The following KCNK10 variants were observed in gnomAD, a reference collection of about 807,000 sequenced individuals.
The protein encoded by KCNK10 is potassium channel subfamily K member 10.
KCNK10 carries 25 observed loss-of-function variants against 47.7 expected under a neutral mutation model. The ratio of observed to expected loss-of-function variants is 0.52; its 90% CI spans 0.38 to 0.73. The LOEUF is 0.73. Among genes scored for constraint, KCNK10 ranks in the 30% least tolerant of loss-of-function variants. The pLI, the probability that KCNK10 is intolerant of heterozygous loss-of-function variation, is 0.00. For missense variants in KCNK10, 563 were observed against 714.5 expected (o/e 0.79, Z 2.42); for synonymous variants, 303 against 285.6 (o/e 1.06, Z -0.61).
intron 1 of KCNK10, among the ~76,000 whole-genome samples, chr14:88,287,193 CT>C (rs1887780954): frequency 1.3e-5 from 2 of 152,216 alleles, no homozygotes; most frequent in African/African-American, 4.8e-5. Context: ...CTAGATGCTT[CT>C]CAAGCCTTAC....
chr14:88,247,333 T>C (rs1273449956), intron 2 of KCNK10, among the ~76,000 whole-genome samples: 2 of 151,952 alleles, frequency 1.3e-5, no homozygotes, highest in African/African-American at 4.8e-5. Flanking sequence ...CAGTCAAGCC[T>C]GGGCTGACCT....
At chr14:88,277,232 G>A (rs978348268) in intron 1 of KCNK10, among the ~76,000 whole-genome samples, 13 of 151,832 alleles carry the variant, frequency 8.6e-5, no homozygotes, top group South Asian at 6.2e-4. Flanking sequence ...AAAACATTTG[G>A]ATGGTTATTC....
At chr14:88,211,990 T>C (rs2139852236) in intron 4 of KCNK10, among the ~76,000 whole-genome samples, 1 of 151,842 alleles carries the variant, frequency 6.6e-6, no homozygotes, top group East Asian at 1.9e-4. Context: ...TCATGGAAAT[T>C]GATGCTAACT....
At chr14:88,323,279 C>A (rs1256571072), upstream of KCNK10, 11 of 985,644 alleles carry the variant, frequency 1.1e-5, no homozygotes, top group Non-Finnish European at 1.3e-5. Flanking sequence ...TGGGCGGGCA[C>A]GTCAGCCTCG....
At chr14:88,231,705 A>G (rs769663710) in intron 3 of KCNK10, among the ~76,000 whole-genome samples, 32 of 152,218 alleles carry the variant, frequency 2.1e-4, no homozygotes, top group Non-Finnish European at 4.4e-4. Context: ...ACTAGGGTGC[A>G]GTGCAGCCCT....
chr14:88,240,520 C>A (rs1251998699), intron 3 of KCNK10, among the ~76,000 whole-genome samples, 183 bp downstream of exon 3: 1 of 152,160 alleles, frequency 6.6e-6, no homozygotes, highest in Non-Finnish European at 1.5e-5. Flanking sequence ...AAAAGAGATA[C>A]TTCATTATGC....
intron 1 of KCNK10, among the ~76,000 whole-genome samples, chr14:88,266,890 C>A (rs72691967): frequency 0.035 from 5,277 of 152,310 alleles, 138 homozygotes; most frequent in Non-Finnish European, 0.054. Flanking sequence ...AAGCTTCTAG[C>A]ATCCCTGAGG....
intron 4 of KCNK10, among the ~76,000 whole-genome samples, chr14:88,217,751 T>C (rs1267448114): frequency 6.6e-6 from 1 of 151,544 alleles, no homozygotes; most frequent in African/African-American, 2.4e-5. Flanking sequence ...GAGACAGAGT[T>C]TCACTCTGTC....
rs372238388 is a variant in KCNK10, at chr14:88,205,632, C to A, written c.682-13222G>T. Among the ~76,000 whole-genome samples, 32 of 149,144 alleles carry A rather than the reference C, an allele frequency of 2.1e-4. 1 individual carries two copies. Among genetic ancestry groups the A allele is most frequent in the African/African-American group, 7.9e-4 (32 of 40,340 alleles). On this transcript the variant is annotated intron_variant, in intron 4 of 6. Coordinates refer to ENST00000319231, the MANE Select transcript of KCNK10 (RefSeq NM_138317.3). ...TGACCTCGGCTCACTGCAACCTCTG[C>A]CTCCCGGGTTCAAGTGATTCTCCTG... is the stretch of plus-strand genomic sequence containing the variant.
At chr14:88,229,579 T>C (rs1886098082) in intron 3 of KCNK10, among the ~76,000 whole-genome samples, 1 of 152,184 alleles carries the variant, frequency 6.6e-6, no homozygotes, top group Non-Finnish European at 1.5e-5. Context: ...GGTAAGAGCA[T>C]GAGTGATGCA....
rs780253057 is a variant in KCNK10 at position 88,263,273 on chromosome 14, C to T, written c.331G>A (p.Ala111Thr). Residue 111 changes from alanine to threonine, a missense_variant, in exon 2 of 7, where the codon GCC becomes ACC. Transcript: ENST00000319231. ...CGCAGGAATTCCGCCTTCTCCAAGGCGATGGTATTCTTCTGGCTGCTCTCA... is the reference window on the plus strand; with the variant it reads ...CGCAGGAATTCCGCCTTCTCCAAGGTGATGGTATTCTTCTGGCTGCTCTCA... ...PFESSQKNTIALEKAEFLRDH... is the reference protein window; with the variant it reads ...PFESSQKNTITLEKAEFLRDH... 22 of 1,614,050 alleles carry T rather than the reference C, an allele frequency of 1.4e-5. No individual in the cohort carries two copies. Among genetic ancestry groups the T allele is most frequent in the Admixed American group, 6.7e-5 (4 of 60,010 alleles).
chr14:88,183,634 TGGA>T lies in KCNK10; in HGVS notation c.*1898_*1900del, dbSNP rs1409174930. 1.3e-5 allele frequency: 2 copies of T among 152,338 alleles called. No homozygotes were observed. The highest frequency in any genetic ancestry group is 2.4e-5 in the African/African-American group (1 of 41,446). The allele number at this position is 152,338 out of a possible 1,614,324, so 9.4% of individuals were successfully genotyped here. Reference sequence around the variant, plus strand: ...CCAGTGAGCCTCATCTCCAGTCCAATGGAGGAGTTGACTTAGACCTTCCTTGGA... The same window carrying T: ...CCAGTGAGCCTCATCTCCAGTCCAATGGAGTTGACTTAGACCTTCCTTGGA... On this transcript the variant is annotated 3_prime_UTR_variant, in exon 7 of 7. Coordinates refer to ENST00000319231, the MANE Select transcript of KCNK10 (RefSeq NM_138317.3).
Position 88,182,034 on chromosome 14 carries a change from C to CG in KCNK10, c.*3500_*3501insC. ...AGAGATGGCCCAACACCACCCCAAC[C>CG]CGCACACACACACACACACACACAC... On this transcript the variant is annotated 3_prime_UTR_variant, in exon 7 of 7. Coordinates refer to ENST00000319231, the MANE Select transcript of KCNK10 (RefSeq NM_138317.3). 1 of 96,084 alleles carries CG rather than the reference C, an allele frequency of 1.0e-5. No individual in the cohort carries two copies. The highest frequency in any genetic ancestry group is 2.8e-4 in the East Asian group (1 of 3,620). 6.0% of individuals were successfully genotyped at this position (96,084 alleles called of 1,614,324 possible).
rs944941806 is a variant in KCNK10, at chr14:88,263,649, GC to G, written c.53-99del. 4.6e-6 allele frequency: 5 copies of G among 1,093,566 alleles called. No individual in the cohort carries two copies. The African/African-American group carries it at 7.9e-5, about 17-fold the overall frequency. The allele number at this position is 1,093,566 out of a possible 1,614,324, so 67.7% of individuals were successfully genotyped here. A position where few individuals can be genotyped will look rare whatever the true frequency, so the allele number is the denominator to read the frequency against. On this transcript the variant is annotated intron_variant, in intron 1 of 6. Coordinates refer to ENST00000319231, the MANE Select transcript of KCNK10 (RefSeq NM_138317.3). ...AAGCACAGATGTCTTCTTTGAGCCA[GC>G]TTTCAAATGTGAGGATGAAACGCTG...
At position 88,308,616 on chromosome 14, in the gene KCNK10, C is replaced by T. The variant is rs1273090901; in HGVS notation, c.52+14131G>A. On this transcript the variant is annotated intron_variant, in intron 1 of 6. Transcript: ENST00000319231. ...GGCACACTTGTGTGCACTCATGCAA[C>T]GTGTACTCAAGTACCTCACATTTCA... 3.3e-5 allele frequency among the ~76,000 whole-genome samples: 5 copies of T among 152,360 alleles called. No individual in the cohort carries two copies. In the East Asian group the frequency reaches 5.8e-4, roughly 18 times the overall value.
chr14:88,304,151 A>G (rs1003741359), intron 1 of KCNK10, among the ~76,000 whole-genome samples: 4 of 151,828 alleles, frequency 2.6e-5, no homozygotes, highest in African/African-American at 9.7e-5. Flanking sequence ...CCGTCTCCAC[A>G]AAAAAATAAA....
At chr14:88,326,190 CA>C (rs67499476), upstream of KCNK10, among the ~76,000 whole-genome samples, 184 of 134,220 alleles carry the variant, frequency 1.4e-3, 3 homozygotes, top group East Asian at 2.4e-3. Flanking sequence ...CGCCCCCCCC[CA>C]AAAAAAAATC....
At chr14:88,220,286 G>T (rs1246568248) in intron 4 of KCNK10, among the ~76,000 whole-genome samples, 1 of 149,372 alleles carries the variant, frequency 6.7e-6, no homozygotes, top group Non-Finnish European at 1.5e-5. Context: ...GCGTAGTGGC[G>T]GGCGCCTGTA....
chr14:88,263,063 C>T, intron 2 of KCNK10, 139 bp downstream of exon 2: 4 of 662,978 alleles, frequency 6.0e-6, no homozygotes, highest in South Asian at 5.9e-5. Flanking sequence ...TCTCAGCTCA[C>T]ATGTCACCTC....
Sources: gnomAD v4.1 joint callset for allele counts (sites outside exome capture counted in the v4.1 genomes callset) on GRCh38, gnomAD v4.1.1 for gene constraint, MANE v1.5 for transcripts, NCBI Gene and HGNC (gene_info 2026-07-23, HGNC 2026-07-21) for gene names.